Variants in RABGEF1 observed in about 807,000 individuals in gnomAD.
RABGEF1 encodes RAB guanine nucleotide exchange factor 1.
In RABGEF1, 26 loss-of-function variants were observed where a neutral mutation model predicts 57.3. The ratio of observed to expected loss-of-function variants is 0.45; its 90% CI spans 0.33 to 0.63. The LOEUF (loss-of-function observed/expected upper bound fraction) is 0.63. Ranked by LOEUF, RABGEF1 falls within the 20% of genes least tolerant of loss-of-function variation. RABGEF1 has a pLI of 0.02. For missense variants in RABGEF1, 464 were observed against 607.6 expected, an observed-to-expected ratio of 0.76 and a Z score of 2.48; for synonymous variants, 185 against 210.7, an observed-to-expected ratio of 0.88 and a Z score of 1.06.
At chr7:66,683,003 G>T (rs1790020532) in intron 1 of RABGEF1, among the ~76,000 whole-genome samples, 1 of 152,154 alleles carries the variant, frequency 6.6e-6, no homozygotes, top group Non-Finnish European at 1.5e-5. Flanking sequence ...TGGGAAATGT[G>T]TCGTGGGCGT....
In RABGEF1 at chr7:66,783,898, G is replaced by C. The variant is rs1266108510; in HGVS notation, c.513+57G>C. ...AGTTTTGGTTTGAGGAAAGGTCTTA[G>C]AGATAATATAGTGCAACCTTGTCAT... On this transcript the variant is annotated intron_variant, in intron 4 of 8. Transcript: ENST00000284957. 1.8e-5 allele frequency: 26 copies of C among 1,482,948 alleles called. No homozygotes were observed. In the East Asian group the frequency reaches 5.6e-4, roughly 32 times the overall value. The allele number at this position is 1,482,948 out of a possible 1,614,324, so 91.9% of individuals were successfully genotyped here. A position where few individuals can be genotyped will look rare whatever the true frequency, so the allele number is the denominator to read the frequency against.
chr7:66,693,281 C>T (rs184208010), intron 1 of RABGEF1, among the ~76,000 whole-genome samples: 6 of 152,172 alleles, frequency 3.9e-5, no homozygotes, highest in African/African-American at 1.4e-4. Flanking sequence ...TATGTTTCCA[C>T]CCCCCAGGGC....
chr7:66,780,178 A>G (rs1401368263), intron 3 of RABGEF1, among the ~76,000 whole-genome samples: 2 of 152,192 alleles, frequency 1.3e-5, no homozygotes, highest in Non-Finnish European at 2.9e-5. Context: ...CCAAAGTCAG[A>G]GGAGTTGGTG....
chr7:66,659,787 TAAATA>T, the RABGEF1 span, among the ~76,000 whole-genome samples: 1 of 150,084 alleles, frequency 6.7e-6, no homozygotes, highest in East Asian at 2.0e-4. Context: ...TCAAAAAAAA[TAAATA>T]AATAAAAATA....
upstream of RABGEF1, among the ~76,000 whole-genome samples, chr7:66,681,138 A>T (rs1241834342): frequency 6.6e-6 from 1 of 152,216 alleles, no homozygotes; most frequent in Non-Finnish European, 1.5e-5. Flanking sequence ...CACCACAGCG[A>T]CAATTAGCAA....
At chr7:66,801,459 G>A (rs576701401) in intron 7 of RABGEF1, among the ~76,000 whole-genome samples, 1 of 151,926 alleles carries the variant, frequency 6.6e-6, no homozygotes, top group South Asian at 2.1e-4. Flanking sequence ...TTCCCCTGTC[G>A]TGCTAGCAAA....
chr7:66,719,486 C>T (rs1031874605), intron 2 of RABGEF1, among the ~76,000 whole-genome samples: 1 of 152,182 alleles, frequency 6.6e-6, no homozygotes, highest in Admixed American at 6.5e-5. Context: ...GCATGAGCCA[C>T]CATGCCTGGC....
At chr7:66,732,533 C>T (rs62466801) in intron 2 of RABGEF1, among the ~76,000 whole-genome samples, 6,118 of 152,184 alleles carry the variant, frequency 0.04, 170 homozygotes, top group East Asian at 0.084. Flanking sequence ...CAGTCACTCA[C>T]CCTCTGCAAG....
At chr7:66,699,825 C>A (rs1362515008) in intron 1 of RABGEF1, among the ~76,000 whole-genome samples, 2 of 152,112 alleles carry the variant, frequency 1.3e-5, no homozygotes, top group Non-Finnish European at 2.9e-5. Flanking sequence ...TCCACTTCAA[C>A]CTGAGTGACA....
the RABGEF1 span, among the ~76,000 whole-genome samples, chr7:66,662,357 C>T: frequency 1.3e-4 from 20 of 152,286 alleles, no homozygotes; most frequent in South Asian, 8.3e-4. Context: ...GTTCCAGCTA[C>T]TTGGGAGGCT....
At chr7:66,785,430 C>T (rs1372953269) in intron 4 of RABGEF1, among the ~76,000 whole-genome samples, 1 of 152,148 alleles carries the variant, frequency 6.6e-6, no homozygotes, top group Non-Finnish European at 1.5e-5. Context: ...CCTAGAGAAG[C>T]CCTTTTGGCC....
the RABGEF1 span, among the ~76,000 whole-genome samples, chr7:66,664,066 C>T: frequency 7.8e-5 from 11 of 140,380 alleles, no homozygotes; most frequent in Admixed American, 3.0e-4. Flanking sequence ...AGTGAGACTT[C>T]GTCTCAAAAA....
intron 1 of RABGEF1, among the ~76,000 whole-genome samples, chr7:66,752,621 G>T (rs1294653689): frequency 6.6e-6 from 1 of 152,198 alleles, no homozygotes; most frequent in Non-Finnish European, 1.5e-5. Flanking sequence ...CGTAATTGTG[G>T]TGTTTTCTTT....
intron 1 of RABGEF1, among the ~76,000 whole-genome samples, chr7:66,770,713 G>A (rs1406534473): frequency 6.6e-6 from 1 of 152,126 alleles, no homozygotes; most frequent in Non-Finnish European, 1.5e-5. Context: ...TGAACTCCTA[G>A]CCTCAAGTGA....
At chr7:66,801,798 G>A (rs868868325) in intron 7 of RABGEF1, among the ~76,000 whole-genome samples, 2 of 152,124 alleles carry the variant, frequency 1.3e-5, no homozygotes, top group Admixed American at 1.3e-4. Context: ...TTCCCATTTG[G>A]CTCCACCTGC....
chr7:66,785,546 G>A (rs1285391059), intron 4 of RABGEF1, among the ~76,000 whole-genome samples: 2 of 152,214 alleles, frequency 1.3e-5, no homozygotes, highest in African/African-American at 4.8e-5. Context: ...TCTTGGGGCA[G>A]TTCCTCTGAA....
chr7:66,796,639 C>T (rs1785990023), intron 5 of RABGEF1: 2 of 229,374 alleles, frequency 8.7e-6, no homozygotes, highest in Admixed American at 5.7e-5. Flanking sequence ...GTCGTCCAAG[C>T]TGGAGTACAG....
intron 1 of RABGEF1, among the ~76,000 whole-genome samples, chr7:66,751,131 A>C (rs1197440208): frequency 6.6e-6 from 1 of 151,812 alleles, no homozygotes; most frequent in Non-Finnish European, 1.5e-5. Context: ...CCCAGGTTCA[A>C]GCAATTCTCC....
intron 2 of RABGEF1, among the ~76,000 whole-genome samples, chr7:66,731,783 C>T (rs1339172054): frequency 6.6e-6 from 1 of 152,174 alleles, no homozygotes; most frequent in Non-Finnish European, 1.5e-5. Flanking sequence ...GTCATGCCTG[C>T]CTCACCTTCA....
Sources: gnomAD v4.1 joint callset for allele counts (sites outside exome capture counted in the v4.1 genomes callset) on GRCh38, gnomAD v4.1.1 for gene constraint, MANE v1.5 for transcripts, NCBI Gene and HGNC (gene_info 2026-07-23, HGNC 2026-07-21) for gene names.